Variants in SPAG16 observed in about 807,000 individuals in gnomAD.
SPAG16 encodes the protein sperm-associated antigen 16 protein.
Under a neutral mutation model 80.4 loss-of-function variants are expected in SPAG16, and 86 were observed. The observed-to-expected ratio is 1.07, with a 90% CI of 0.90 to 1.28. The LOEUF is 1.28. Ranked by LOEUF, SPAG16 falls within the 50% of genes most tolerant of loss-of-function variation. The pLI is 0.00. For synonymous variants in SPAG16, 294 were observed against 265.9 expected (o/e 1.11, Z -1.03); for missense variants, 870 against 765.3 (o/e 1.14, Z -1.61).
At chr2:213,881,961 C>T (rs1269065257) in intron 11 of SPAG16, among the ~76,000 whole-genome samples, 1 of 152,118 alleles carries the variant, frequency 6.6e-6, no homozygotes. Context: ...ATGAGGTTGG[C>T]TGTTGGTTCA....
At chr2:214,199,145 G>T (rs936633780) in intron 15 of SPAG16, among the ~76,000 whole-genome samples, 2 of 152,012 alleles carry the variant, frequency 1.3e-5, no homozygotes, top group African/African-American at 4.8e-5. Flanking sequence ...TGTTGCATTT[G>T]CTTTTGTGGT....
chr2:213,315,701 T>G (rs1053807747), intron 4 of SPAG16, among the ~76,000 whole-genome samples: 2 of 151,988 alleles, frequency 1.3e-5, no homozygotes, highest in African/African-American at 2.4e-5. Flanking sequence ...AAACTTTTTT[T>G]TTTTTAATAG....
At chr2:213,619,264 A>C (rs13033980) in intron 10 of SPAG16, among the ~76,000 whole-genome samples, 49,912 of 151,956 alleles carry the variant, frequency 0.33, 8,398 homozygotes, top group Middle Eastern at 0.44. Context: ...AGAGGAAAGC[A>C]TAGGGGAAAT....
rs553368744 is a variant in SPAG16, at chr2:214,055,708, C to G, written c.1527+41631C>G. ...GCTGAGTGCCAACAGTAGCTGCCAG[C>G]AAAAGCAAGATATTGCCTTCATTTA... On this transcript the variant is annotated intron_variant, in intron 13 of 15. Coordinates refer to ENST00000331683, the MANE Select transcript of SPAG16 (RefSeq NM_024532.5). Among the ~76,000 whole-genome samples, 30 of 152,174 alleles carry G rather than the reference C, an allele frequency of 2.0e-4. 1 individual carries two copies. Among genetic ancestry groups the G allele is most frequent in the African/African-American group, 7.0e-4 (29 of 41,554 alleles).
rs374072767 is a variant in SPAG16, at chr2:214,352,324, A to C, written c.1721-57816A>C. Among the ~76,000 whole-genome samples the C allele has an allele frequency of 3.3e-5, 5 of 152,350 alleles. No individual in the cohort carries two copies. The East Asian group carries it at 5.8e-4, about 18-fold the overall frequency. On this transcript the variant is annotated intron_variant, in intron 15 of 15. Coordinates refer to ENST00000331683, the MANE Select transcript of SPAG16 (RefSeq NM_024532.5). ...TCATCATTTTCAAAGTTTTGATTTT[A>C]ATGGTTTGACACATTAGAGAGCAAG...
At chr2:213,637,113 CTTAAG>C (rs1488766170) in intron 10 of SPAG16, among the ~76,000 whole-genome samples, 2 of 151,994 alleles carry the variant, frequency 1.3e-5, no homozygotes, top group Non-Finnish European at 2.9e-5. Flanking sequence ...CTTTTATTAC[CTTAAG>C]TTATGTCCCT....
intron 9 of SPAG16, among the ~76,000 whole-genome samples, chr2:213,445,228 C>T (rs774874351): frequency 9.9e-5 from 15 of 151,950 alleles, no homozygotes; most frequent in Non-Finnish European, 1.5e-4. Context: ...ACCTACAGAA[C>T]GGAAGAAAAT....
At chr2:213,685,738 T>C (rs945681563) in intron 10 of SPAG16, among the ~76,000 whole-genome samples, 1 of 152,134 alleles carries the variant, frequency 6.6e-6, no homozygotes, top group Non-Finnish European at 1.5e-5. Flanking sequence ...ATTTAAGAAG[T>C]ACAAGAAAAA....
intron 9 of SPAG16, among the ~76,000 whole-genome samples, chr2:213,379,835 A>G (rs1559474113): frequency 1.3e-5 from 2 of 152,058 alleles, no homozygotes. Flanking sequence ...CCCATGCGTA[A>G]CCTCCATCCC....
At chr2:214,153,194 C>A (rs927674180) in intron 15 of SPAG16, among the ~76,000 whole-genome samples, 2 of 152,018 alleles carry the variant, frequency 1.3e-5, no homozygotes, top group African/African-American at 4.8e-5. Context: ...GGGTGTCTTC[C>A]CAGACGCTGG....
At position 214,158,459 on chromosome 2, in the gene SPAG16, C is replaced by T. The variant is rs186991983; in HGVS notation, c.1720+9193C>T. Among the ~76,000 whole-genome samples the T allele has an allele frequency of 2.0e-4, 30 of 152,054 alleles. No homozygotes were observed. The South Asian group carries it at 4.8e-3, about 24-fold the overall frequency. ...ATTCTCGCATACCTCACAACACGGT[C>T]TCTGTAGCAACAGGAATTTTGAACA... On this transcript the variant is annotated intron_variant, in intron 15 of 15. Transcript: ENST00000331683.
intron 10 of SPAG16, among the ~76,000 whole-genome samples, chr2:213,722,745 C>G (rs2066587665): frequency 6.6e-6 from 1 of 152,082 alleles, no homozygotes; most frequent in African/African-American, 2.4e-5. Flanking sequence ...CAGATTGACT[C>G]TGAATTGTCA....
At chr2:213,977,107 A>G (rs570299509) in intron 12 of SPAG16, among the ~76,000 whole-genome samples, 15 of 152,184 alleles carry the variant, frequency 9.9e-5, no homozygotes, top group Middle Eastern at 3.4e-3. Flanking sequence ...TCAGAGACCA[A>G]GCAGGGGGAT....
intron 11 of SPAG16, among the ~76,000 whole-genome samples, chr2:213,891,867 T>C (rs2076796585): frequency 6.6e-6 from 1 of 152,162 alleles, no homozygotes. Flanking sequence ...GTTTCTGCAC[T>C]GGCAAAACTG....
At chr2:213,368,511 G>A (rs1022536909) in intron 8 of SPAG16, among the ~76,000 whole-genome samples, 10 of 152,172 alleles carry the variant, frequency 6.6e-5, no homozygotes, top group East Asian at 1.9e-4. Flanking sequence ...GCACAAGACA[G>A]GGATGCCCTC....
chr2:213,765,353 G>A (rs2068878266), intron 10 of SPAG16, among the ~76,000 whole-genome samples: 1 of 152,188 alleles, frequency 6.6e-6, no homozygotes, highest in Non-Finnish European at 1.5e-5. Context: ...TGGTGACAGA[G>A]TGAGACTCTG....
At chr2:213,879,397 G>GTA (rs1366882514) in intron 11 of SPAG16, among the ~76,000 whole-genome samples, 140 of 150,800 alleles carry the variant, frequency 9.3e-4, no homozygotes, top group Admixed American at 1.5e-3. Context: ...GTGTGTGTGT[G>GTA]TATATACATA....
At chr2:213,818,616 T>C (rs551278708) in intron 10 of SPAG16, among the ~76,000 whole-genome samples, 1 of 150,036 alleles carries the variant, frequency 6.7e-6, no homozygotes, top group South Asian at 2.1e-4. Context: ...AAGGAAGCAT[T>C]CCCTTTCCTA....
chr2:213,403,074 T>A (rs1251893180), intron 9 of SPAG16, among the ~76,000 whole-genome samples: 2 of 151,864 alleles, frequency 1.3e-5, no homozygotes, highest in East Asian at 3.9e-4. Flanking sequence ...TTTCTCCACA[T>A]CCTCTCCAGC....
Sources: allele counts gnomAD v4.1 joint callset (sites outside exome capture counted in the v4.1 genomes callset), GRCh38; gene constraint gnomAD v4.1.1; transcripts MANE v1.5; gene names NCBI Gene and HGNC (gene_info 2026-07-23, HGNC 2026-07-21).